The following FADS2 variants were observed in gnomAD, a reference collection of about 807,000 sequenced individuals.
The protein encoded by FADS2 is fatty acid desaturase 2, also known as acyl-CoA 6-desaturase.
FADS2 carries 18 observed loss-of-function variants against 61.2 expected under a neutral mutation model. The observed-to-expected ratio is 0.29, with a 90% CI of 0.20 to 0.44. FADS2 has a LOEUF of 0.44. Among genes scored for constraint, FADS2 ranks in the 20% least tolerant of loss-of-function variants. The pLI, the probability that FADS2 is intolerant of heterozygous loss-of-function variation, is 1.00. For missense variants in FADS2, 322 were observed against 572.7 expected (o/e 0.56, Z 4.47); for synonymous variants, 203 against 223.9 (o/e 0.91, Z 0.83).
At chr11:61,825,992 G>A (rs767654948), upstream of FADS2, 5 of 683,400 alleles carry the variant, frequency 7.3e-6, no homozygotes, top group Non-Finnish European at 1.1e-5. Flanking sequence ...CCCTCTCCTC[G>A]AGCACTGCCC....
chr11:61,824,485 AG>A (rs1565325374), upstream of FADS2, among the ~76,000 whole-genome samples: 280 of 9,356 alleles, frequency 0.03, 42 homozygotes, highest in African/African-American at 0.035. Flanking sequence ...AGAGAGAGAG[AG>A]AGAGAAAGAA....
intron 1 of FADS2, among the ~76,000 whole-genome samples, chr11:61,830,653 G>A (rs1474624248): frequency 6.6e-6 from 1 of 152,174 alleles, no homozygotes; most frequent in East Asian, 1.9e-4. Context: ...ATAAGCTAGG[G>A]TGGGAGCCAA....
chr11:61,855,336 G>T (rs1203191909), intron 5 of FADS2: 1 of 152,412 alleles, frequency 6.6e-6, no homozygotes, highest in Non-Finnish European at 1.5e-5. Context: ...TCTGGGAGAA[G>T]CTTAGAGCAG....
chr11:61,853,769 C>T (rs1015620404), intron 5 of FADS2, among the ~76,000 whole-genome samples: 10 of 152,160 alleles, frequency 6.6e-5, no homozygotes, highest in Admixed American at 2.6e-4. Flanking sequence ...CTGGGGAGGT[C>T]GTGCCGCCTG....
At chr11:61,863,413 C>A (rs763767474) in intron 9 of FADS2, 35 bp downstream of exon 9, 11 of 1,469,464 alleles carry the variant, frequency 7.5e-6, no homozygotes, top group Middle Eastern at 1.7e-4. Flanking sequence ...AGAGCCTGGT[C>A]CCAATGTCCA....
chr11:61,860,781 C>A (rs190263941), intron 7 of FADS2, among the ~76,000 whole-genome samples: 1 of 152,116 alleles, frequency 6.6e-6, no homozygotes, highest in African/African-American at 2.4e-5. Flanking sequence ...TGGTGATGCG[C>A]GCCTGTAATC....
chr11:61,818,799 C>T (rs1361242746), intron 1 of FADS2, among the ~76,000 whole-genome samples: 2 of 152,140 alleles, frequency 1.3e-5, no homozygotes, highest in Admixed American at 1.3e-4. Context: ...GGGATAAAAG[C>T]TCTCATACTG....
At chr11:61,857,585 G>A (rs1307496151) in intron 7 of FADS2, 55 bp downstream of exon 7, 7 of 1,500,138 alleles carry the variant, frequency 4.7e-6, no homozygotes, top group South Asian at 1.1e-5. Flanking sequence ...TGGGACAGGG[G>A]GACCCGGGGG....
At chr11:61,847,323 T>A (rs1409749142) in intron 4 of FADS2, 1 of 152,186 alleles carries the variant, frequency 6.6e-6, no homozygotes, top group Non-Finnish European at 1.5e-5. Flanking sequence ...TAGAGCATCT[T>A]CATGATGCTC....
At chr11:61,860,581 C>T (rs1371201657) in intron 7 of FADS2, among the ~76,000 whole-genome samples, 1 of 152,202 alleles carries the variant, frequency 6.6e-6, no homozygotes, top group Non-Finnish European at 1.5e-5. Flanking sequence ...GCTCTCTGCC[C>T]CTGAAACCAG....
chr11:61,863,269 T>C lies in FADS2; in HGVS notation c.981-13T>C. On this transcript the variant is annotated splice_polypyrimidine_tract_variant and intron_variant, in intron 8 of 11. Transcript: ENST00000278840. ...CCCCGGAGGCCCCTGCGCTGAGCTG[T>C]GTTCTCTTGCAGGTTCCTGGAGAGC... 1 of 1,608,376 alleles carries C rather than the reference T, an allele frequency of 6.2e-7. No individual in the cohort carries two copies. Among genetic ancestry groups the C allele is most frequent in the East Asian group, 2.2e-5 (1 of 44,796 alleles).
At chr11:61,857,382 C>A in intron 6 of FADS2, 72 bp from the exon 7 acceptor site, 1 of 1,399,936 alleles carries the variant, frequency 7.1e-7, no homozygotes, top group Non-Finnish European at 1.0e-6. Flanking sequence ...AGTGCTGGGC[C>A]TGGGTTCCCC....
At position 61,861,371 on chromosome 11, in the gene FADS2, A is replaced by AAAAAAAC. The variant is rs1555078396; in HGVS notation, c.883-1601_883-1600insAAAAAAC. ...TCCCTCTCAAAAAAAAAAAAAAAAAACAGAAATTAGCTACTCGGGAGGCTG... is the reference window on the plus strand; with the variant it reads ...TCCCTCTCAAAAAAAAAAAAAAAAAAAAAAAACCAGAAATTAGCTACTCGGGAGGCTG... On this transcript the variant is annotated intron_variant, in intron 7 of 11. Transcript: ENST00000278840. 2.2e-4 allele frequency among the ~76,000 whole-genome samples: 23 copies of AAAAAAAC among 106,514 alleles called. 1 individual carries two copies. The highest frequency in any genetic ancestry group is 3.7e-4 in the Non-Finnish European group (17 of 46,250). 69.9% of individuals were successfully genotyped at this position (106,514 alleles called of 152,430 possible). A position where few individuals can be genotyped will look rare whatever the true frequency, so the allele number is the denominator to read the frequency against.
Position 61,865,300 on chromosome 11 carries a change from C to T in FADS2, c.1283+23C>T, listed in dbSNP as rs757373912. ...CAGGTGAGGGGTGGAGGTCCACAGG[C>T]GCTGGGCCCTGGGATCACCCGTGGT... On this transcript the variant is annotated intron_variant, in intron 11 of 11. Transcript: ENST00000278840. The surrounding 1 kb of genome is among the most constrained non-coding windows in gnomAD (Gnocchi z 4.1). 5.0e-6 allele frequency: 8 copies of T among 1,610,760 alleles called. No homozygotes were observed. The East Asian group carries it at 6.7e-5, about 13-fold the overall frequency.
chr11:61,837,479 G>A (rs549641297), intron 1 of FADS2, among the ~76,000 whole-genome samples: 1 of 152,314 alleles, frequency 6.6e-6, no homozygotes, highest in East Asian at 1.9e-4. Flanking sequence ...CGCCTTCCTG[G>A]AGGGTCACCA....
At chr11:61,851,675 C>T (rs577228174) in intron 5 of FADS2, among the ~76,000 whole-genome samples, 7 of 152,232 alleles carry the variant, frequency 4.6e-5, no homozygotes, top group Non-Finnish European at 7.3e-5. Context: ...GGTCCCAGGG[C>T]CTCAAGCCAC....
Position 61,828,620 on chromosome 11 carries a change from G to T in FADS2, c.207+23G>T. Reference sequence around the variant, plus strand: ...ACGGTAAGGGTCTGGGGGCGCCCCAGCCACCCTTCTCTGCTGCAGGCGGAG... The same window carrying T: ...ACGGTAAGGGTCTGGGGGCGCCCCATCCACCCTTCTCTGCTGCAGGCGGAG... On this transcript the variant is annotated intron_variant, in intron 1 of 11. Transcript: ENST00000278840. The surrounding 1 kb of genome is among the most constrained non-coding windows in gnomAD (Gnocchi z 6.4). The T allele has an allele frequency of 6.3e-7, 1 of 1,599,228 alleles. No homozygotes were observed. Among genetic ancestry groups the T allele is most frequent in the Non-Finnish European group, 8.5e-7 (1 of 1,170,120 alleles).
chr11:61,859,383 A>G (rs984854480), intron 7 of FADS2, among the ~76,000 whole-genome samples: 31 of 152,168 alleles, frequency 2.0e-4, no homozygotes, highest in Admixed American at 6.5e-4. Flanking sequence ...ATCGCTTGCT[A>G]ACTGAAGTTG....
At chr11:61,849,276 A>G (rs553455621) in intron 5 of FADS2, among the ~76,000 whole-genome samples, 19 of 152,334 alleles carry the variant, frequency 1.2e-4, no homozygotes, top group Admixed American at 6.5e-4. Flanking sequence ...TCCATTTACT[A>G]TACCATTTTA....
Sources: allele counts gnomAD v4.1 joint callset (sites outside exome capture counted in the v4.1 genomes callset), GRCh38; gene constraint gnomAD v4.1.1; non-coding constraint Gnocchi (gnomAD v3.1); transcripts MANE v1.5; gene names NCBI Gene and HGNC (gene_info 2026-07-23, HGNC 2026-07-21).